The following PTPRD variants were observed in gnomAD, a reference collection of about 807,000 sequenced individuals.
PTPRD encodes the protein protein tyrosine phosphatase receptor type D.
A neutral mutation model predicts 214.5 loss-of-function variants in PTPRD; 34 were observed. The ratio of observed to expected loss-of-function variants is 0.16; its 90% CI spans 0.12 to 0.21. The LOEUF is 0.21. Among genes scored for constraint, PTPRD ranks in the 10% least tolerant of loss-of-function variants. The pLI is 1.00. For synonymous variants in PTPRD, 1,128 were observed against 845.7 expected, an observed-to-expected ratio of 1.33 and a Z score of -5.79; for missense variants, 2,545 against 2,398.7, an observed-to-expected ratio of 1.06 and a Z score of -1.27.
At chr9:10,282,750 G>A (rs10959013) in intron 3 of PTPRD, among the ~76,000 whole-genome samples, 8,901 of 151,920 alleles carry the variant, frequency 0.059, 366 homozygotes, top group South Asian at 0.15. Flanking sequence ...ATTGTAGTTA[G>A]GATTTAGAAC....
chr9:8,606,611 T>A (rs1462112906), intron 14 of PTPRD, among the ~76,000 whole-genome samples: 2 of 152,218 alleles, frequency 1.3e-5, no homozygotes, highest in South Asian at 4.1e-4. Flanking sequence ...TTTACTTCAC[T>A]ACATGATGCT....
intron 3 of PTPRD, among the ~76,000 whole-genome samples, chr9:10,114,375 T>A (rs1438230260): frequency 6.6e-6 from 1 of 152,142 alleles, no homozygotes; most frequent in African/African-American, 2.4e-5. Flanking sequence ...TTTTCTTGAT[T>A]CTTAGGCTAT....
chr9:8,622,786 G>A (rs1292088929), intron 14 of PTPRD, among the ~76,000 whole-genome samples: 2 of 151,808 alleles, frequency 1.3e-5, no homozygotes, highest in Non-Finnish European at 2.9e-5. Context: ...AAATCCAGCA[G>A]TCTGCAAGAA....
At chr9:8,517,760 A>C in intron 21 of PTPRD, 88 bp downstream of exon 21, 2 of 1,146,236 alleles carry the variant, frequency 1.7e-6, no homozygotes, top group Non-Finnish European at 2.5e-6. Flanking sequence ...AATTCATACC[A>C]TCTTTGTTCC....
chr9:9,636,477 T>C (rs1447857572), intron 7 of PTPRD, among the ~76,000 whole-genome samples: 1 of 151,976 alleles, frequency 6.6e-6, no homozygotes, highest in South Asian at 2.1e-4. Context: ...TACAGTTATA[T>C]AGATATTGAT....
chr9:9,192,369 G>A (rs1035920537), intron 9 of PTPRD, among the ~76,000 whole-genome samples: 1 of 152,052 alleles, frequency 6.6e-6, no homozygotes, highest in Non-Finnish European at 1.5e-5. Flanking sequence ...CCCAAGCGAG[G>A]GACCTGCTTT....
intron 9 of PTPRD, among the ~76,000 whole-genome samples, chr9:9,280,993 C>CA (rs1947489525): frequency 6.6e-6 from 1 of 150,954 alleles, no homozygotes; most frequent in South Asian, 2.1e-4. Context: ...TAATTTTTGA[C>CA]AAAAAATCAA....
chr9:10,564,557 G>A (rs1302156757), intron 2 of PTPRD, among the ~76,000 whole-genome samples: 1 of 151,962 alleles, frequency 6.6e-6, no homozygotes, highest in Non-Finnish European at 1.5e-5. Context: ...AGCCTAAGAA[G>A]AGCTATATCC....
chr9:10,542,245 G>T (rs2059272425), intron 2 of PTPRD, among the ~76,000 whole-genome samples: 2 of 152,066 alleles, frequency 1.3e-5, no homozygotes, highest in South Asian at 4.1e-4. Flanking sequence ...TTCTGCATCA[G>T]CTCATACTGT....
chr9:8,535,989 C>A (rs370239285), intron 14 of PTPRD, among the ~76,000 whole-genome samples: 2 of 151,822 alleles, frequency 1.3e-5, no homozygotes, highest in East Asian at 1.9e-4. Flanking sequence ...CTATAATGCC[C>A]AGTATCTCTA....
At chr9:10,460,415 T>G (rs944580724) in intron 2 of PTPRD, among the ~76,000 whole-genome samples, 1 of 150,848 alleles carries the variant, frequency 6.6e-6, no homozygotes, top group Admixed American at 6.6e-5. Context: ...AGATCTTGAA[T>G]AGCCAAAACA....
chr9:9,476,145 G>T (rs563138300), intron 8 of PTPRD, among the ~76,000 whole-genome samples: 39 of 152,252 alleles, frequency 2.6e-4, no homozygotes, highest in Middle Eastern at 3.4e-3. Context: ...CTGCCTCAAT[G>T]TTGCATAGTG....
intron 30 of PTPRD, among the ~76,000 whole-genome samples, chr9:8,474,810 T>C (rs2096731496): frequency 6.6e-6 from 1 of 152,200 alleles, no homozygotes; most frequent in Admixed American, 6.5e-5. Flanking sequence ...TCTAGATCTG[T>C]AAACAAACCA....
intron 35 of PTPRD, among the ~76,000 whole-genome samples, chr9:8,405,351 A>G (rs1486803576): frequency 6.6e-6 from 1 of 151,962 alleles, no homozygotes; most frequent in East Asian, 1.9e-4. Flanking sequence ...ATTATGTGTT[A>G]TTATGTTTAT....
At chr9:10,504,232 G>A (rs933060641) in intron 2 of PTPRD, among the ~76,000 whole-genome samples, 7 of 147,900 alleles carry the variant, frequency 4.7e-5, no homozygotes, top group African/African-American at 1.5e-4. Flanking sequence ...TATATGCATC[G>A]AACTCTCTCC....
intron 14 of PTPRD, among the ~76,000 whole-genome samples, chr9:8,605,660 G>T (rs1290740164): frequency 6.6e-6 from 1 of 152,198 alleles, no homozygotes; most frequent in Non-Finnish European, 1.5e-5. Context: ...GATGAAAGGA[G>T]AATGTACCTA....
intron 31 of PTPRD, among the ~76,000 whole-genome samples, chr9:8,467,227 G>A (rs2096562350): frequency 6.6e-6 from 1 of 151,822 alleles, no homozygotes; most frequent in East Asian, 1.9e-4. Flanking sequence ...GGCATCACTT[G>A]TTTAGCAAAA....
intron 9 of PTPRD, among the ~76,000 whole-genome samples, chr9:9,332,287 A>C (rs2042612274): frequency 6.6e-6 from 1 of 152,058 alleles, no homozygotes; most frequent in African/African-American, 2.4e-5. Flanking sequence ...CAGCAGGTGA[A>C]TCATGCATAT....
chr9:8,360,241 G>T (rs1472509346), intron 39 of PTPRD, among the ~76,000 whole-genome samples: 1 of 152,114 alleles, frequency 6.6e-6, no homozygotes, highest in East Asian at 1.9e-4. Flanking sequence ...CACAACTGCA[G>T]GTAAATGGAA....
Sources: gnomAD v4.1 joint callset for allele counts (sites outside exome capture counted in the v4.1 genomes callset) on GRCh38, gnomAD v4.1.1 for gene constraint, MANE v1.5 for transcripts, NCBI Gene and HGNC (gene_info 2026-07-23, HGNC 2026-07-21) for gene names.